CRIPTO: variants seen among roughly 807,000 people sequenced by gnomAD.
CRIPTO encodes the protein protein Cripto.
At chr3:46,577,405 C>T in the CRIPTO span, 1 of 154,966 alleles carries the variant, frequency 6.5e-6, no homozygotes. Flanking sequence ...AGTAAAACTT[C>T]CTGAAATAAA....
At chr3:46,578,541 T>C in the CRIPTO span, among the ~76,000 whole-genome samples, 1 of 152,110 alleles carries the variant, frequency 6.6e-6, no homozygotes, top group African/African-American at 2.4e-5. Flanking sequence ...AAACCCCGTC[T>C]CTATTAAAAA....
chr3:46,577,365 G>A, the CRIPTO span: 1 of 155,668 alleles, frequency 6.4e-6, no homozygotes, highest in African/African-American at 2.4e-5. Flanking sequence ...CACCCTTCTG[G>A]AAAAACAAAG....
chr3:46,580,060 G>A, the CRIPTO span: 2 of 1,614,248 alleles, frequency 1.2e-6, no homozygotes, highest in Non-Finnish European at 1.7e-6. Flanking sequence ...ACCCGGCTGT[G>A]GTAAGCGGAG....
the CRIPTO span, chr3:46,579,624 G>A: frequency 1.5e-6 from 2 of 1,300,100 alleles, no homozygotes; most frequent in Non-Finnish European, 1.1e-6. Flanking sequence ...TCTGCTCAAA[G>A]GCACAGAGAC....
the CRIPTO span, among the ~76,000 whole-genome samples, chr3:46,576,875 A>G: frequency 7.3e-5 from 11 of 151,448 alleles, no homozygotes; most frequent in Non-Finnish European, 1.5e-4. Flanking sequence ...TAGTGGAACC[A>G]CTCAATAAAC....
the CRIPTO span, chr3:46,579,312 C>G: frequency 6.2e-6 from 10 of 1,614,172 alleles, no homozygotes; most frequent in South Asian, 1.1e-4. Context: ...CCAGGAGGAG[C>G]CTGCAATTCG....
At chr3:46,580,879 G>A in the CRIPTO span, among the ~76,000 whole-genome samples, 1 of 152,184 alleles carries the variant, frequency 6.6e-6, no homozygotes, top group Non-Finnish European at 1.5e-5. Context: ...CAGGATAGGT[G>A]TTTGATAAGT....
At chr3:46,581,862 T>C in the CRIPTO span, 1 of 170,796 alleles carries the variant, frequency 5.9e-6, no homozygotes, top group Non-Finnish European at 1.2e-5. Context: ...ATATGTTCTT[T>C]TAAATGATTG....
the CRIPTO span, chr3:46,581,579 G>C: frequency 1.8e-5 from 10 of 570,078 alleles, no homozygotes; most frequent in South Asian, 2.1e-4. Context: ...ACGCGATCTT[G>C]GTTCACTGCA....
At chr3:46,581,575 T>A in the CRIPTO span, 7 of 578,172 alleles carry the variant, frequency 1.2e-5, no homozygotes, top group Admixed American at 3.3e-5. Context: ...AATGACGCGA[T>A]CTTGGTTCAC....
chr3:46,578,385 C>CAAA, the CRIPTO span, among the ~76,000 whole-genome samples: 16 of 134,712 alleles, frequency 1.2e-4, no homozygotes, highest in African/African-American at 3.8e-4. Flanking sequence ...AAAAAAAAAC[C>CAAA]CACATTTTTT....
chr3:46,579,568 C>T, the CRIPTO span: 1 of 1,170,444 alleles, frequency 8.5e-7, no homozygotes, highest in Non-Finnish European at 1.2e-6. Context: ...CCACTTCACA[C>T]TGGGGAACCC....
chr3:46,580,586 C>T, the CRIPTO span, among the ~76,000 whole-genome samples: 1 of 151,002 alleles, frequency 6.6e-6, no homozygotes, highest in Non-Finnish European at 1.5e-5. Context: ...AGAACCCTTT[C>T]ACCTTCTTGA....
At chr3:46,578,084 T>C in the CRIPTO span, 2 of 1,489,064 alleles carry the variant, frequency 1.3e-6, no homozygotes, top group African/African-American at 2.8e-5. Context: ...ACACCTGTCA[T>C]TTGATTTTTC....
At chr3:46,577,694 C>G in the CRIPTO span, 2 of 533,978 alleles carry the variant, frequency 3.7e-6, no homozygotes, top group Non-Finnish European at 3.4e-6. Flanking sequence ...AAGGTCTCCC[C>G]GCCCCGACTG....
chr3:46,582,050 G>A, the CRIPTO span: 1 of 152,136 alleles, frequency 6.6e-6, no homozygotes, highest in Non-Finnish European at 1.5e-5. Flanking sequence ...CAGGGAGACT[G>A]GGTAGGAAAG....
At chr3:46,575,132 G>A in the CRIPTO span, among the ~76,000 whole-genome samples, 2 of 152,190 alleles carry the variant, frequency 1.3e-5, no homozygotes, top group Non-Finnish European at 2.9e-5. Flanking sequence ...AAGCAGAGGT[G>A]ACCAGTGGCC....
chr3:46,579,728 T>C, the CRIPTO span: 1 of 1,612,520 alleles, frequency 6.2e-7, no homozygotes, highest in East Asian at 2.2e-5. Context: ...TCATCTGTTC[T>C]TACCTTTCAG....
chr3:46,579,396 C>T, the CRIPTO span: 2 of 1,613,824 alleles, frequency 1.2e-6, no homozygotes, highest in African/African-American at 2.7e-5. Context: ...GATGCTTCTG[C>T]CCTGGCCCTT....
Sources: gnomAD v4.1 joint callset for allele counts (sites outside exome capture counted in the v4.1 genomes callset) on GRCh38, gnomAD v4.1.1 for gene constraint, MANE v1.5 for transcripts, NCBI Gene and HGNC (gene_info 2026-07-23, HGNC 2026-07-21) for gene names.